The following CPNE8 variants were observed in gnomAD, a reference collection of about 807,000 sequenced individuals.
CPNE8 encodes the protein copine-8.
In CPNE8, 45 loss-of-function variants were observed where a neutral mutation model predicts 81.5. The observed-to-expected ratio is 0.55, with a 90% CI of 0.44 to 0.71. The LOEUF (loss-of-function observed/expected upper bound fraction) is 0.71. CPNE8 is among the 30% of genes least tolerant of loss of function. The pLI is 0.00. For synonymous variants in CPNE8, 252 were observed against 226.3 expected (o/e 1.11, Z -1.02); for missense variants, 594 against 672.1 (o/e 0.88, Z 1.28).
At chr12:38,724,782 C>T (rs1224099703) in intron 12 of CPNE8, 64 bp downstream of exon 12, 1 of 1,074,544 alleles carries the variant, frequency 9.3e-7, no homozygotes, top group Non-Finnish European at 1.3e-6. Context: ...ATTAAAGATG[C>T]CATCTACATA....
chr12:38,768,268 A>C (rs1199272702), intron 7 of CPNE8, among the ~76,000 whole-genome samples: 1 of 152,072 alleles, frequency 6.6e-6, no homozygotes, highest in Non-Finnish European at 1.5e-5. Context: ...AGTGTAGTAT[A>C]ATGAATCAGT....
At chr12:38,733,336 T>C (rs1940880157) in intron 10 of CPNE8, among the ~76,000 whole-genome samples, 1 of 151,964 alleles carries the variant, frequency 6.6e-6, no homozygotes, top group African/African-American at 2.4e-5. Context: ...ATTTTTATTA[T>C]ATTTTACACT....
chr12:38,695,128 A>G (rs1427753360), intron 14 of CPNE8, among the ~76,000 whole-genome samples: 1 of 152,182 alleles, frequency 6.6e-6, no homozygotes, highest in Admixed American at 6.5e-5. Context: ...TCCTGACTAT[A>G]AGACCCTGAC....
chr12:38,710,481 T>C (rs1940228069), intron 13 of CPNE8, among the ~76,000 whole-genome samples: 1 of 152,124 alleles, frequency 6.6e-6, no homozygotes, highest in Non-Finnish European at 1.5e-5. Context: ...CTCTGGGTCC[T>C]AGTTTTCTCA....
At chr12:38,709,669 G>C (rs140609299) in intron 13 of CPNE8, among the ~76,000 whole-genome samples, 136 of 152,184 alleles carry the variant, frequency 8.9e-4, no homozygotes, top group African/African-American at 3.2e-3. Context: ...ATACTTCTTT[G>C]AATACTGGAT....
Position 38,747,910 on chromosome 12 carries a change from A to G in CPNE8, c.722+12937T>C, listed in dbSNP as rs150561304. The stretch of plus-strand genomic sequence containing the variant: ...ATTTACATTTCTATTAGACAGTACT[A>G]GTATAAAGCACTCTGTAATTTTCAT... On this transcript the variant is annotated intron_variant, in intron 10 of 19. Transcript: ENST00000331366. 4.7e-3 allele frequency among the ~76,000 whole-genome samples: 712 copies of G among 152,242 alleles called. 5 individuals are homozygous for G. The highest frequency in any genetic ancestry group is 0.016 in the African/African-American group (661 of 41,546).
rs540839572 is a variant in CPNE8 at position 38,849,340 on chromosome 12, T to C, written c.187-678A>G. Among the ~76,000 whole-genome samples the C allele has an allele frequency of 1.5e-4, 23 of 152,322 alleles. No individual in the cohort carries two copies. In the East Asian group the frequency reaches 3.3e-3, roughly 22 times the overall value. On this transcript the variant is annotated intron_variant, in intron 3 of 19. Coordinates refer to ENST00000331366, the MANE Select transcript of CPNE8 (RefSeq NM_153634.3). ...TCCTTTCAATGTGAAAGAAGGCCAT[T>C]TGGCACTTCTCCCAAAGATAGAGCA...
chr12:38,706,376 G>A (rs1426858653), intron 13 of CPNE8, among the ~76,000 whole-genome samples: 1 of 151,956 alleles, frequency 6.6e-6, no homozygotes. Flanking sequence ...TTTGATAAAG[G>A]AAGTTTTGGT....
chr12:38,716,671 C>T (rs1283172285), intron 13 of CPNE8, among the ~76,000 whole-genome samples: 2 of 151,986 alleles, frequency 1.3e-5, no homozygotes, highest in East Asian at 1.9e-4. Context: ...AATTGAAGAC[C>T]TGAACCATAA....
Position 38,812,875 on chromosome 12 carries a change from T to C in CPNE8, c.407+16504A>G, listed in dbSNP as rs113734605. ...GACACTGTGCCTTGATCTTGGATTCTGCAGCCTCCAAAACTGTGAAAGATT... is the reference window on the plus strand; with the variant it reads ...GACACTGTGCCTTGATCTTGGATTCCGCAGCCTCCAAAACTGTGAAAGATT... On this transcript the variant is annotated intron_variant, in intron 6 of 19. Transcript: ENST00000331366. Among the ~76,000 whole-genome samples, 363 of 152,330 alleles carry C rather than the reference T, an allele frequency of 2.4e-3. 1 individual carries two copies. Among genetic ancestry groups the C allele is most frequent in the African/African-American group, 8.4e-3 (348 of 41,576 alleles).
At chr12:38,841,985 C>T (rs1429348196) in intron 4 of CPNE8, among the ~76,000 whole-genome samples, 3 of 149,634 alleles carry the variant, frequency 2.0e-5, no homozygotes, top group South Asian at 2.1e-4. Flanking sequence ...TGTTTACCTA[C>T]ATAAATGAAT....
chr12:38,833,095 G>A (rs1364793341), intron 5 of CPNE8, among the ~76,000 whole-genome samples: 1 of 152,038 alleles, frequency 6.6e-6, no homozygotes, highest in African/African-American at 2.4e-5. Flanking sequence ...GCTCACACCT[G>A]TAATCCCAGC....
intron 1 of CPNE8, among the ~76,000 whole-genome samples, chr12:38,898,132 C>A (rs927295789): frequency 4.6e-5 from 7 of 152,000 alleles, no homozygotes; most frequent in Non-Finnish European, 7.4e-5. Flanking sequence ...AAATAACAGA[C>A]CTAAAGGAGC....
intron 19 of CPNE8, among the ~76,000 whole-genome samples, chr12:38,657,237 G>T (rs1565556555): frequency 6.6e-6 from 1 of 152,192 alleles, no homozygotes; most frequent in African/African-American, 2.4e-5. Flanking sequence ...CCTGTGCCTG[G>T]TTTGGTGGGT....
At chr12:38,776,091 C>T (rs1288331949) in intron 7 of CPNE8, 147 bp downstream of exon 7, 3 of 354,800 alleles carry the variant, frequency 8.5e-6, no homozygotes, top group Non-Finnish European at 1.6e-5. Flanking sequence ...GGTCATAGGG[C>T]TAAGTACCTA....
chr12:38,763,565 A>G (rs1266192636), intron 8 of CPNE8, among the ~76,000 whole-genome samples: 1 of 152,212 alleles, frequency 6.6e-6, no homozygotes, highest in Admixed American at 6.5e-5. Context: ...AAGGGAAGAA[A>G]GACAGCAATT....
intron 1 of CPNE8, among the ~76,000 whole-genome samples, chr12:38,902,268 GA>G (rs1565669800): frequency 7.2e-5 from 1 of 13,906 alleles, no homozygotes; most frequent in Non-Finnish European, 2.1e-4. Flanking sequence ...AAGAAAGAAA[GA>G]AAAAGAAAAG....
intron 10 of CPNE8, among the ~76,000 whole-genome samples, chr12:38,738,090 T>C (rs1433292800): frequency 6.6e-6 from 1 of 152,132 alleles, no homozygotes; most frequent in African/African-American, 2.4e-5. Context: ...GGCTACCAGT[T>C]TCCATGCTTT....
chr12:38,709,665 C>A (rs1475885195), intron 13 of CPNE8, among the ~76,000 whole-genome samples: 1 of 152,124 alleles, frequency 6.6e-6, no homozygotes, highest in Non-Finnish European at 1.5e-5. Flanking sequence ...GAGCATACTT[C>A]TTTGAATACT....
Sources: allele counts gnomAD v4.1 joint callset (sites outside exome capture counted in the v4.1 genomes callset), GRCh38; gene constraint gnomAD v4.1.1; transcripts MANE v1.5; gene names NCBI Gene and HGNC (gene_info 2026-07-23, HGNC 2026-07-21).